Variants in ABHD18 observed in about 807,000 individuals in gnomAD.
ABHD18 encodes abhydrolase domain containing 18.
ABHD18 carries 55 observed loss-of-function variants against 65.9 expected under a neutral mutation model. That is an observed-to-expected ratio of 0.84 (90% confidence interval 0.67 to 1.05). The LOEUF (loss-of-function observed/expected upper bound fraction) is 1.05, where lower values mean the gene tolerates loss of function less well. Ranked by LOEUF, ABHD18 falls within the 50% of genes least tolerant of loss-of-function variation. The pLI, the probability that ABHD18 is intolerant of heterozygous loss-of-function variation, is 0.00. For missense variants in ABHD18, 533 were observed against 558.5 expected, an observed-to-expected ratio of 0.95 and a Z score of 0.46; for synonymous variants, 181 against 180.2, an observed-to-expected ratio of 1.00 and a Z score of -0.04.
chr4:127,987,997 T>C (rs948930136), intron 3 of ABHD18, among the ~76,000 whole-genome samples: 3 of 152,150 alleles, frequency 2.0e-5, no homozygotes, highest in Non-Finnish European at 2.9e-5. Context: ...AGTTCAGTCA[T>C]ATAACAATGA....
intron 3 of ABHD18, among the ~76,000 whole-genome samples, chr4:127,989,023 C>T (rs1162519897): frequency 1.3e-5 from 2 of 152,142 alleles, no homozygotes; most frequent in East Asian, 1.9e-4. Flanking sequence ...CGGAATCAAC[C>T]TAAGTGTTCA....
rs935884133 is a variant in ABHD18, at chr4:128,020,296, G to A, written c.699+127G>A. ...GAATTATAGGACTCAGGATATAGTC[G>A]TAATCATGATTAAGCCTTAACTACA... On this transcript the variant is annotated intron_variant, in intron 9 of 12. Transcript: ENST00000645843. 1.5e-4 allele frequency: 97 copies of A among 665,306 alleles called. 1 individual carries two copies. The highest frequency in any genetic ancestry group is 2.1e-4 in the Non-Finnish European group (79 of 375,478). The allele number at this position is 665,306 out of a possible 1,614,324, so 41.2% of individuals were successfully genotyped here.
intron 7 of ABHD18, among the ~76,000 whole-genome samples, chr4:128,012,107 G>A (rs2149140582): frequency 6.6e-6 from 1 of 151,932 alleles, no homozygotes; most frequent in South Asian, 2.1e-4. Context: ...CTCCCAAGTA[G>A]CTGGAATTAC....
chr4:127,976,976 G>A (rs1748047128), intron 1 of ABHD18, among the ~76,000 whole-genome samples: 1 of 152,062 alleles, frequency 6.6e-6, no homozygotes, highest in Admixed American at 6.6e-5. Flanking sequence ...GGGAGGCAGA[G>A]CTTGCAGTGA....
chr4:128,022,675 T>C (rs1378118127), intron 10 of ABHD18, among the ~76,000 whole-genome samples: 1 of 152,132 alleles, frequency 6.6e-6, no homozygotes, highest in Non-Finnish European at 1.5e-5. Context: ...AGAAAGGCAG[T>C]TATGGTAAAT....
intron 6 of ABHD18, among the ~76,000 whole-genome samples, 170 bp from the exon 7 acceptor site, chr4:128,011,503 A>G: frequency 6.6e-6 from 1 of 151,612 alleles, no homozygotes; most frequent in Admixed American, 6.6e-5. Context: ...TTTAAAAAAA[A>G]GGAAAATAAT....
intron 10 of ABHD18, among the ~76,000 whole-genome samples, chr4:128,023,465 T>TA (rs746673486): frequency 2.5e-4 from 33 of 130,834 alleles, no homozygotes; most frequent in Non-Finnish European, 4.7e-4. Context: ...CCTGTAGTCC[T>TA]AGCTACTCAG....
chr4:127,991,771 T>G (rs12651465), intron 4 of ABHD18, among the ~76,000 whole-genome samples: 1 of 152,282 alleles, frequency 6.6e-6, no homozygotes, highest in East Asian at 1.9e-4. Flanking sequence ...GAAAAATTCT[T>G]CAGTCAAGAA....
chr4:127,972,872 T>G (rs1194125399), intron 1 of ABHD18, among the ~76,000 whole-genome samples: 3 of 152,186 alleles, frequency 2.0e-5, no homozygotes. Context: ...ATTTGTTTCA[T>G]GATTAAAAAA....
intron 4 of ABHD18, among the ~76,000 whole-genome samples, chr4:128,002,411 C>G (rs554270021): frequency 1.3e-5 from 2 of 151,888 alleles, no homozygotes; most frequent in Admixed American, 6.6e-5. Context: ...TCCCAAGTAG[C>G]TGGGATTACA....
At chr4:128,012,873 C>A (rs1216341132) in intron 7 of ABHD18, among the ~76,000 whole-genome samples, 1 of 151,812 alleles carries the variant, frequency 6.6e-6, no homozygotes, top group Non-Finnish European at 1.5e-5. Flanking sequence ...CGAGACCAGC[C>A]TGACCAACAT....
At chr4:127,987,992 A>C (rs1043646466) in intron 3 of ABHD18, among the ~76,000 whole-genome samples, 1 of 152,208 alleles carries the variant, frequency 6.6e-6, no homozygotes, top group African/African-American at 2.4e-5. Flanking sequence ...AGACTAGTTC[A>C]GTCATATAAC....
At position 128,004,966 on chromosome 4, in the gene ABHD18, C is replaced by A. The variant is rs182363104; in HGVS notation, c.279-3954C>A. 8.8e-4 allele frequency among the ~76,000 whole-genome samples: 133 copies of A among 151,982 alleles called. 2 individuals are homozygous for A. The highest frequency in any genetic ancestry group is 3.0e-3 in the African/African-American group (123 of 41,426). ...ACATGAGGCCAGGCGCAGTGGCTCA[C>A]ACCTGTAATCCCAGCACTTTGGGAG... On this transcript the variant is annotated intron_variant, in intron 4 of 12. Coordinates refer to ENST00000645843, the MANE Select transcript of ABHD18 (RefSeq NM_001358451.3).
At chr4:128,013,506 C>T (rs1332823220) in intron 7 of ABHD18, among the ~76,000 whole-genome samples, 1 of 152,098 alleles carries the variant, frequency 6.6e-6, no homozygotes, top group African/African-American at 2.4e-5. Flanking sequence ...TGAGACCATC[C>T]TGGCTAACAC....
At chr4:128,026,511 G>A (rs1757384801) in intron 10 of ABHD18, among the ~76,000 whole-genome samples, 1 of 151,072 alleles carries the variant, frequency 6.6e-6, no homozygotes, top group Non-Finnish European at 1.5e-5. Context: ...GCCCTTATGT[G>A]TATATCCTTT....
chr4:128,006,996 T>G (rs1753704167), intron 4 of ABHD18, among the ~76,000 whole-genome samples: 1 of 152,108 alleles, frequency 6.6e-6, no homozygotes, highest in South Asian at 2.1e-4. Context: ...AAATACAAAA[T>G]TAGCCGGGCA....
intron 6 of ABHD18, chr4:128,009,415 C>T (rs2149133349): frequency 3.1e-6 from 1 of 322,622 alleles, no homozygotes; most frequent in Middle Eastern, 7.6e-4. Flanking sequence ...AGAAATTGTA[C>T]TTCCATTTCT....
chr4:127,983,925 G>A (rs1404339628), intron 2 of ABHD18, among the ~76,000 whole-genome samples: 2 of 152,046 alleles, frequency 1.3e-5, no homozygotes, highest in Non-Finnish European at 2.9e-5. Flanking sequence ...TGTAATCCCA[G>A]CTACTCGGGA....
At chr4:128,035,736 A>T (rs1758823399) in intron 12 of ABHD18, 26 bp from the exon 13 acceptor site, 1 of 1,428,428 alleles carries the variant, frequency 7.0e-7, no homozygotes, top group East Asian at 2.5e-5. Context: ...AGTTACTTAG[A>T]GTTTTTCTTT....
Sources: gnomAD v4.1 joint callset for allele counts (sites outside exome capture counted in the v4.1 genomes callset) on GRCh38, gnomAD v4.1.1 for gene constraint, MANE v1.5 for transcripts, NCBI Gene and HGNC (gene_info 2026-07-23, HGNC 2026-07-21) for gene names.